Variants in ESRRB observed in about 807,000 individuals in gnomAD.
ESRRB encodes steroid hormone receptor ERR2.
In ESRRB, 16 loss-of-function variants were observed where a neutral mutation model predicts 46.0. The observed-to-expected ratio is 0.35, with a 90% confidence interval of 0.24 to 0.53. The LOEUF is 0.53. Ranked by LOEUF, ESRRB falls within the 20% of genes least tolerant of loss-of-function variation. ESRRB has a pLI of 0.93. For synonymous variants in ESRRB, 246 were observed against 259.6 expected, an observed-to-expected ratio of 0.95 and a Z score of 0.50; for missense variants, 488 against 607.4, an observed-to-expected ratio of 0.80 and a Z score of 2.07.
intron 1 of ESRRB, among the ~76,000 whole-genome samples, chr14:76,397,308 G>C (rs116218301): frequency 6.6e-6 from 1 of 152,088 alleles, no homozygotes; most frequent in Non-Finnish European, 1.5e-5. Context: ...ACCCCCTAGC[G>C]GCCAAGACCC....
intron 1 of ESRRB, among the ~76,000 whole-genome samples, chr14:76,330,062 T>C (rs1035371472): frequency 3.9e-5 from 6 of 152,010 alleles, no homozygotes; most frequent in African/African-American, 1.4e-4. Context: ...GAAGAGCGAA[T>C]GACGGACACA....
At chr14:76,355,330 C>T (rs1029517864) in intron 1 of ESRRB, among the ~76,000 whole-genome samples, 6 of 152,262 alleles carry the variant, frequency 3.9e-5, no homozygotes, top group East Asian at 1.9e-4. Context: ...ACTTTTACCA[C>T]GCCCTTCTCC....
intron 1 of ESRRB, among the ~76,000 whole-genome samples, chr14:76,403,993 A>G (rs1472158952): frequency 6.6e-6 from 1 of 152,182 alleles, no homozygotes; most frequent in African/African-American, 2.4e-5. Flanking sequence ...TGCTGGGATT[A>G]CAGGCGTGAG....
At chr14:76,494,606 C>T (rs145961370) in intron 6 of ESRRB, among the ~76,000 whole-genome samples, 101 of 152,156 alleles carry the variant, frequency 6.6e-4, no homozygotes, top group African/African-American at 2.2e-3. Context: ...TGCACCCGGC[C>T]GACTGTGTTG....
At chr14:76,316,200 G>A (rs1279480889) in intron 1 of ESRRB, among the ~76,000 whole-genome samples, 1 of 152,182 alleles carries the variant, frequency 6.6e-6, no homozygotes, top group Non-Finnish European at 1.5e-5. Context: ...TGCAAGAGGT[G>A]TCCTCTCGTG....
chr14:76,470,317 C>T (rs909992685), intron 3 of ESRRB, among the ~76,000 whole-genome samples: 3 of 152,172 alleles, frequency 2.0e-5, no homozygotes, highest in African/African-American at 7.2e-5. Flanking sequence ...CCCAAAACCA[C>T]CCAGAAGCCT....
chr14:76,387,470 G>A (rs1191122143), intron 1 of ESRRB, among the ~76,000 whole-genome samples: 2 of 152,168 alleles, frequency 1.3e-5, no homozygotes, highest in Non-Finnish European at 2.9e-5. Flanking sequence ...GGTGAGCTCA[G>A]GACCCTGGCT....
chr14:76,370,872 A>G (rs1884606654), upstream of ESRRB, among the ~76,000 whole-genome samples: 2 of 152,228 alleles, frequency 1.3e-5, no homozygotes, highest in South Asian at 4.1e-4. Flanking sequence ...TCTATGGTAA[A>G]GAGAGAACTT....
chr14:76,429,360 C>A, intron 1 of ESRRB, among the ~76,000 whole-genome samples: 1 of 152,102 alleles, frequency 6.6e-6, no homozygotes, highest in East Asian at 1.9e-4. Flanking sequence ...AAGTGTGTGT[C>A]CAGAAAAGTG....
chr14:76,330,557 A>C (rs115024698), intron 1 of ESRRB, among the ~76,000 whole-genome samples: 2,618 of 152,224 alleles, frequency 0.017, 67 homozygotes, highest in African/African-American at 0.059. Context: ...CACTTCCTGG[A>C]GTAAGAGGTC....
At chr14:76,415,962 T>C (rs551475166) in intron 1 of ESRRB, among the ~76,000 whole-genome samples, 17 of 152,318 alleles carry the variant, frequency 1.1e-4, no homozygotes, top group African/African-American at 4.1e-4. Context: ...CTTTGAATGA[T>C]GTCAAACCTT....
intron 1 of ESRRB, among the ~76,000 whole-genome samples, chr14:76,325,444 C>T (rs540284280): frequency 9.9e-5 from 15 of 151,988 alleles, no homozygotes; most frequent in Non-Finnish European, 2.1e-4. Flanking sequence ...GGAAAGGAGA[C>T]GGGGTGTGTA....
chr14:76,414,242 C>T (rs1455258253), intron 1 of ESRRB, among the ~76,000 whole-genome samples: 1 of 113,886 alleles, frequency 8.8e-6, no homozygotes, highest in East Asian at 2.4e-4. Context: ...AGCACAAAAA[C>T]CCTGGTGTTA....
rs371750392 is a variant in ESRRB at position 76,482,805 on chromosome 14, C to T, written c.850+46C>T. ...GAGAGTGTGGCCAGGGACTCTCAGC[C>T]GGTATCTCCGCAGCCTACCCAATGG... On this transcript the variant is annotated intron_variant, in intron 5 of 6. Transcript: ENST00000644823. The surrounding 1 kb of genome is among the most constrained non-coding windows in gnomAD (Gnocchi z 4.3). 40 of 1,608,248 alleles carry T rather than the reference C, an allele frequency of 2.5e-5. No homozygotes were observed. The highest frequency in any genetic ancestry group is 1.7e-4 in the African/African-American group (13 of 74,780).
intron 1 of ESRRB, among the ~76,000 whole-genome samples, chr14:76,421,744 T>A (rs1393856071): frequency 1.3e-5 from 2 of 152,190 alleles, no homozygotes; most frequent in African/African-American, 4.8e-5. Context: ...CAGCCGGAAT[T>A]CCTGCCTGCC....
intron 1 of ESRRB, among the ~76,000 whole-genome samples, chr14:76,385,564 A>C (rs192465966): frequency 6.6e-6 from 1 of 152,306 alleles, no homozygotes; most frequent in Non-Finnish European, 1.5e-5. Context: ...ATTCATGGCA[A>C]ATGAGCTGTT....
intron 1 of ESRRB, among the ~76,000 whole-genome samples, chr14:76,398,603 G>T (rs1476415218): frequency 1.3e-5 from 2 of 152,132 alleles, no homozygotes; most frequent in South Asian, 2.1e-4. Context: ...GGGGGAAGGG[G>T]TCAGAGGAGA....
intron 1 of ESRRB, among the ~76,000 whole-genome samples, chr14:76,311,316 T>C (rs923007436): frequency 6.6e-6 from 1 of 152,180 alleles, no homozygotes; most frequent in Non-Finnish European, 1.5e-5. Context: ...TTTTATTTGC[T>C]GGCAGCTCCG....
chr14:76,413,858 C>T (rs1332285748), intron 1 of ESRRB, among the ~76,000 whole-genome samples: 1 of 138,338 alleles, frequency 7.2e-6, no homozygotes, highest in Non-Finnish European at 1.6e-5. Flanking sequence ...CACCCCTGCA[C>T]CATCCCCACC....
Sources: allele counts gnomAD v4.1 joint callset (sites outside exome capture counted in the v4.1 genomes callset), GRCh38; gene constraint gnomAD v4.1.1; non-coding constraint Gnocchi (gnomAD v3.1); transcripts MANE v1.5; gene names NCBI Gene and HGNC (gene_info 2026-07-23, HGNC 2026-07-21).